The following ELMOD2 variants were observed in gnomAD, a reference collection of about 807,000 sequenced individuals.
ELMOD2 encodes ELMO domain containing 2, also known as ELMO domain-containing protein 2.
A neutral mutation model predicts 41.0 loss-of-function variants in ELMOD2; 28 were observed. That is an observed-to-expected ratio of 0.68 (90% CI 0.51 to 0.94). The LOEUF (loss-of-function observed/expected upper bound fraction) is 0.94. Among genes scored for constraint, ELMOD2 ranks in the 40% least tolerant of loss-of-function variants. ELMOD2 has a pLI of 0.00. For synonymous variants in ELMOD2, 106 were observed against 107.2 expected, an observed-to-expected ratio of 0.99 and a Z score of 0.07; for missense variants, 333 against 343.1, an observed-to-expected ratio of 0.97 and a Z score of 0.23.
intron 3 of ELMOD2, among the ~76,000 whole-genome samples, chr4:140,528,544 C>T (rs1734641640): frequency 6.6e-6 from 1 of 152,038 alleles, no homozygotes; most frequent in Non-Finnish European, 1.5e-5. Flanking sequence ...TTTCTGTGTA[C>T]ATCTGTGTGT....
At position 140,550,550 on chromosome 4, in the gene ELMOD2, T is replaced by C. The variant is rs1000606678; in HGVS notation, c.*175T>C. 1.9e-5 allele frequency: 11 copies of C among 585,242 alleles called. No individual in the cohort carries two copies. Among genetic ancestry groups the C allele is most frequent in the African/African-American group, 1.5e-4 (8 of 51,904 alleles). 36.3% of individuals were successfully genotyped at this position (585,242 alleles called of 1,614,324 possible). ...ATCAGTGTATGTTTACAATTGTTTA[T>C]ACACTGTTCTCCAAAGGTACCTTAT... On this transcript the variant is annotated 3_prime_UTR_variant, in exon 9 of 9. Transcript: ENST00000323570.
rs1409120331 is a variant in ELMOD2 at position 140,553,545 on chromosome 4, A to G, written c.*3170A>G. The G allele has an allele frequency of 6.6e-6, 1 of 152,252 alleles. No homozygotes were observed. Among genetic ancestry groups the G allele is most frequent in the East Asian group, 1.9e-4 (1 of 5,186 alleles). 9.4% of individuals were successfully genotyped at this position (152,252 alleles called of 1,614,324 possible). ...ATGAGAAAAGTTTTAAATGTAGTACAGGTTAGACCCAACTACTACCTTACT... is the reference window on the plus strand; with the variant it reads ...ATGAGAAAAGTTTTAAATGTAGTACGGGTTAGACCCAACTACTACCTTACT... On this transcript the variant is annotated 3_prime_UTR_variant, in exon 9 of 9. Coordinates refer to ENST00000323570, the MANE Select transcript of ELMOD2 (RefSeq NM_153702.4).
chr4:140,541,710 A>G lies in ELMOD2; in HGVS notation c.534-864A>G, dbSNP rs985500940. On this transcript the variant is annotated intron_variant, in intron 6 of 8. Transcript: ENST00000323570. Reference sequence around the variant, plus strand: ...TAAGATGGTTCCTGGATTCCCCTTCATTCATAAATTATCATTAATTCATGG... The same window carrying G: ...TAAGATGGTTCCTGGATTCCCCTTCGTTCATAAATTATCATTAATTCATGG... Among the ~76,000 whole-genome samples the G allele has an allele frequency of 3.3e-5, 5 of 152,106 alleles. No homozygotes were observed. In the East Asian group the frequency reaches 7.7e-4, roughly 23 times the overall value.
intron 7 of ELMOD2, 91 bp from the exon 8 acceptor site, chr4:140,543,362 G>A: frequency 4.4e-6 from 6 of 1,357,740 alleles, no homozygotes; most frequent in Non-Finnish European, 6.0e-6. Flanking sequence ...TGTTAAACCT[G>A]AAGTCACTTT....
At chr4:140,549,539 A>G (rs528609328) in intron 8 of ELMOD2, among the ~76,000 whole-genome samples, 1 of 152,158 alleles carries the variant, frequency 6.6e-6, no homozygotes, top group East Asian at 1.9e-4. Context: ...AAAAGTAGAA[A>G]TAACTCTTAG....
chr4:140,541,049 CT>C (rs1735091576), intron 6 of ELMOD2, among the ~76,000 whole-genome samples: 1 of 152,192 alleles, frequency 6.6e-6, no homozygotes, highest in Non-Finnish European at 1.5e-5. Flanking sequence ...TCTCCTTTAT[CT>C]TCTTTAATAC....
At chr4:140,525,644 A>G in intron 2 of ELMOD2, 74 bp downstream of exon 2, 3 of 1,471,430 alleles carry the variant, frequency 2.0e-6, no homozygotes, top group Admixed American at 2.5e-5. Flanking sequence ...ACAGTGACAG[A>G]TGTATTTCTT....
Position 140,524,170 on chromosome 4 carries a change from C to G in ELMOD2, c.-120C>G, listed in dbSNP as rs376850171. 1 of 152,350 alleles carries G rather than the reference C, an allele frequency of 6.6e-6. No individual in the cohort carries two copies. Among genetic ancestry groups the G allele is most frequent in the African/African-American group, 2.4e-5 (1 of 41,458 alleles). 9.4% of individuals were successfully genotyped at this position (152,350 alleles called of 1,614,324 possible). ...GCGGGTCCGCGGCCTCGCTCCCTGACTTCCGGGTCGCGGTGCTTGAAGGGA... is the reference window on the plus strand; with the variant it reads ...GCGGGTCCGCGGCCTCGCTCCCTGAGTTCCGGGTCGCGGTGCTTGAAGGGA... On this transcript the variant is annotated 5_prime_UTR_variant, in exon 1 of 9. Coordinates refer to ENST00000323570, the MANE Select transcript of ELMOD2 (RefSeq NM_153702.4).
At chr4:140,531,511 G>A (rs1247998456) in intron 3 of ELMOD2, among the ~76,000 whole-genome samples, 1 of 152,196 alleles carries the variant, frequency 6.6e-6, no homozygotes, top group Non-Finnish European at 1.5e-5. Flanking sequence ...TGAAAGTTAG[G>A]GAGGAATACT....
intron 8 of ELMOD2, among the ~76,000 whole-genome samples, chr4:140,548,780 T>A (rs1395495793): frequency 6.6e-6 from 1 of 152,166 alleles, no homozygotes; most frequent in Admixed American, 6.6e-5. Context: ...AGAAATATTT[T>A]AAAAAATAAT....
At chr4:140,531,622 C>T (rs1292647047) in intron 3 of ELMOD2, among the ~76,000 whole-genome samples, 1 of 152,214 alleles carries the variant, frequency 6.6e-6, no homozygotes, top group Non-Finnish European at 1.5e-5. Context: ...ATAATAAATA[C>T]ATTTTACGGC....
chr4:140,537,336 A>G (rs1475664628), intron 4 of ELMOD2, 76 bp from the exon 5 acceptor site: 2 of 1,285,596 alleles, frequency 1.6e-6, no homozygotes, highest in African/African-American at 3.1e-5. Context: ...CTAAATAGAC[A>G]TATGAACCAC....
At chr4:140,542,143 C>T (rs1301907385) in intron 6 of ELMOD2, among the ~76,000 whole-genome samples, 1 of 151,876 alleles carries the variant, frequency 6.6e-6, no homozygotes, top group African/African-American at 2.4e-5. Context: ...ATTGTTGACT[C>T]CCTTCTGATT....
chr4:140,540,440 T>C, intron 6 of ELMOD2, 139 bp downstream of exon 6: 1 of 1,168,744 alleles, frequency 8.6e-7, no homozygotes, highest in Non-Finnish European at 1.2e-6. Flanking sequence ...AAGTATTTGC[T>C]AATGTGTTGG....
At chr4:140,524,520 C>G (rs1014358355) in intron 1 of ELMOD2, 5 of 875,096 alleles carry the variant, frequency 5.7e-6, no homozygotes, top group Non-Finnish European at 6.9e-6. Context: ...CTCGGCAGTT[C>G]TGCGCTTTTG....
intron 3 of ELMOD2, among the ~76,000 whole-genome samples, chr4:140,535,137 T>C (rs58509044): frequency 0.036 from 5,153 of 141,450 alleles, 412 homozygotes; most frequent in African/African-American, 0.068. Context: ...ATCTGTTTCT[T>C]TCTCTCTCTC....
At chr4:140,541,846 A>C (rs947821020) in intron 6 of ELMOD2, among the ~76,000 whole-genome samples, 5 of 152,096 alleles carry the variant, frequency 3.3e-5, no homozygotes, top group African/African-American at 1.2e-4. Context: ...AGAGTTAATT[A>C]GAAATTTCTA....
chr4:140,537,294 C>T (rs1332475843), intron 4 of ELMOD2, 118 bp from the exon 5 acceptor site: 1 of 895,410 alleles, frequency 1.1e-6, no homozygotes, highest in Admixed American at 4.0e-5. Context: ...TTTGGTGGGT[C>T]TTATATTAAA....
chr4:140,525,869 C>T (rs948188172), intron 2 of ELMOD2, among the ~76,000 whole-genome samples: 1 of 152,228 alleles, frequency 6.6e-6, no homozygotes, highest in African/African-American at 2.4e-5. Flanking sequence ...TTACATAATC[C>T]CTTTGAAATT....
Sources: gnomAD v4.1 joint callset for allele counts (sites outside exome capture counted in the v4.1 genomes callset) on GRCh38, gnomAD v4.1.1 for gene constraint, MANE v1.5 for transcripts, NCBI Gene and HGNC (gene_info 2026-07-23, HGNC 2026-07-21) for gene names.